The following ST7 variants were observed in gnomAD, a reference collection of about 807,000 sequenced individuals.
The protein encoded by ST7 is suppression of tumorigenicity 7, also known as suppressor of tumorigenicity 7 protein.
Under a neutral mutation model 78.7 loss-of-function variants are expected in ST7, and 28 were observed. The ratio of observed to expected loss-of-function variants is 0.36; its 90% CI spans 0.26 to 0.49. ST7 has a LOEUF of 0.49. Ranked by LOEUF, ST7 falls within the 20% of genes least tolerant of loss-of-function variation. ST7 has a pLI of 0.99. For missense variants in ST7, 418 were observed against 696.0 expected (o/e 0.60, Z 4.49); for synonymous variants, 247 against 249.6 (o/e 0.99, Z 0.10).
Position 117,100,574 on chromosome 7 carries a change from G to T in ST7, c.234+730G>T, listed in dbSNP as rs146822656. ...TTTTTTAAATGTATTGACATGGATT[G>T]TGACAATTCTAAGTTTTTTTTCCCT... is the stretch of plus-strand genomic sequence containing the variant. On this transcript the variant is annotated intron_variant, in intron 2 of 15. Coordinates refer to ENST00000323984, the MANE Select transcript of ST7 (RefSeq NM_001369598.1). Among the ~76,000 whole-genome samples, 522 of 152,092 alleles carry T rather than the reference G, an allele frequency of 3.4e-3. 1 individual carries two copies. Among genetic ancestry groups the T allele is most frequent in the African/African-American group, 0.012 (485 of 41,486 alleles).
chr7:117,131,193 A>T (rs1342248039), intron 5 of ST7, among the ~76,000 whole-genome samples: 2 of 151,778 alleles, frequency 1.3e-5, no homozygotes, highest in Non-Finnish European at 2.9e-5. Flanking sequence ...ATGTTTTTGA[A>T]AGGGAACCTC....
At chr7:117,027,507 T>TAAAGTAAAGTAAAGTAAGTAAAGC (rs1796267374) in intron 1 of ST7, among the ~76,000 whole-genome samples, 4 of 108,346 alleles carry the variant, frequency 3.7e-5, no homozygotes, top group Non-Finnish European at 6.2e-5. Context: ...GTAAGTAAAG[T>TAAAGTAAAGTAAAGTAAGTAAAGC]AAAAAGTAAA....
intron 12 of ST7, among the ~76,000 whole-genome samples, chr7:117,200,678 A>C (rs1313411071): frequency 6.6e-6 from 1 of 152,134 alleles, no homozygotes; most frequent in East Asian, 1.9e-4. Context: ...TGGGCTTGAC[A>C]CAATATGGAG....
At chr7:116,954,995 TG>T in intron 1 of ST7, 1 of 375,780 alleles carries the variant, frequency 2.7e-6, no homozygotes. Context: ...ATCGTGTCCC[TG>T]GGAGGCGGAT....
intron 1 of ST7, among the ~76,000 whole-genome samples, chr7:117,002,451 A>G (rs1353183719): frequency 6.6e-6 from 1 of 152,022 alleles, no homozygotes; most frequent in African/African-American, 2.4e-5. Context: ...CTGGAGATGA[A>G]CTAAGACCCA....
intron 1 of ST7, among the ~76,000 whole-genome samples, chr7:117,039,824 T>G (rs1489345176): frequency 6.6e-6 from 1 of 152,186 alleles, no homozygotes; most frequent in African/African-American, 2.4e-5. Flanking sequence ...AAGTCTGACT[T>G]GAACTCATTC....
chr7:117,062,079 A>T (rs2116448180), intron 1 of ST7, among the ~76,000 whole-genome samples: 1 of 152,088 alleles, frequency 6.6e-6, no homozygotes, highest in East Asian at 1.9e-4. Flanking sequence ...GCAGAAGGCC[A>T]CTTTCTTGCA....
At chr7:117,016,094 A>T (rs980752162) in intron 1 of ST7, among the ~76,000 whole-genome samples, 2 of 152,232 alleles carry the variant, frequency 1.3e-5, no homozygotes, top group Non-Finnish European at 2.9e-5. Flanking sequence ...TTTTGAAGAT[A>T]AAACATTTTA....
chr7:117,029,938 T>C (rs1796390724), intron 1 of ST7, among the ~76,000 whole-genome samples: 1 of 152,154 alleles, frequency 6.6e-6, no homozygotes, highest in Admixed American at 6.6e-5. Flanking sequence ...TATTACTGTA[T>C]AGCTTTATGA....
chr7:117,042,973 A>C (rs1797306421), intron 1 of ST7, among the ~76,000 whole-genome samples: 1 of 152,128 alleles, frequency 6.6e-6, no homozygotes, highest in Non-Finnish European at 1.5e-5. Flanking sequence ...ATTCATACAT[A>C]ATTTTTTTAC....
chr7:117,223,541 A>G (rs1292779077), intron 15 of ST7: 2 of 156,442 alleles, frequency 1.3e-5, no homozygotes, highest in Non-Finnish European at 2.8e-5. Flanking sequence ...CCATTCCCAG[A>G]TGTACCAGGC....
intron 1 of ST7, among the ~76,000 whole-genome samples, chr7:117,007,035 C>T (rs1795185803): frequency 6.6e-6 from 1 of 152,080 alleles, no homozygotes; most frequent in Non-Finnish European, 1.5e-5. Flanking sequence ...TGAAATTAGG[C>T]CAATTAATAA....
At chr7:116,989,523 T>G (rs1794333036) in intron 1 of ST7, among the ~76,000 whole-genome samples, 1 of 152,124 alleles carries the variant, frequency 6.6e-6, no homozygotes, top group African/African-American at 2.4e-5. Flanking sequence ...GTTTTTTTTT[T>G]TTGTTTTGTT....
At chr7:117,134,324 C>T in intron 7 of ST7, 132 bp downstream of exon 7, 2 of 1,333,222 alleles carry the variant, frequency 1.5e-6, no homozygotes, top group Admixed American at 4.1e-5. Context: ...AAGGATGCAT[C>T]ATCTATATCT....
intron 1 of ST7, among the ~76,000 whole-genome samples, chr7:117,039,159 C>A (rs1563033422): frequency 6.6e-6 from 1 of 152,128 alleles, no homozygotes; most frequent in East Asian, 1.9e-4. Context: ...TTGCACGTAA[C>A]CATGCTTTTT....
At chr7:117,041,881 T>C (rs1584507314) in intron 1 of ST7, among the ~76,000 whole-genome samples, 1 of 152,252 alleles carries the variant, frequency 6.6e-6, no homozygotes, top group Admixed American at 6.5e-5. Flanking sequence ...ATATGGACAT[T>C]ATGCTGAATT....
intron 15 of ST7, 51 bp downstream of exon 15, chr7:117,222,113 G>A (rs775706892): frequency 5.5e-5 from 86 of 1,559,910 alleles, no homozygotes; most frequent in Admixed American, 2.9e-4. Context: ...GGAAAGCCAA[G>A]GGCATAAAAG....
At chr7:117,184,847 A>G (rs1809101214) in intron 10 of ST7, among the ~76,000 whole-genome samples, 1 of 152,202 alleles carries the variant, frequency 6.6e-6, no homozygotes, top group South Asian at 2.1e-4. Context: ...ATATTATACT[A>G]CAGTTATATA....
intron 1 of ST7, chr7:116,968,304 C>CT (rs1199980899): frequency 1.6e-4 from 1 of 6,264 alleles, no homozygotes; most frequent in African/African-American, 4.2e-4. Flanking sequence ...TCCTTCCTTC[C>CT]TTCCTTCCTT....
Sources: gnomAD v4.1 joint callset for allele counts (sites outside exome capture counted in the v4.1 genomes callset) on GRCh38, gnomAD v4.1.1 for gene constraint, MANE v1.5 for transcripts, NCBI Gene and HGNC (gene_info 2026-07-23, HGNC 2026-07-21) for gene names.